ADAM8: variants seen among roughly 807,000 people sequenced by gnomAD.
ADAM8 encodes disintegrin and metalloproteinase domain-containing protein 8.
ADAM8 carries 104 observed loss-of-function variants against 102.4 expected under a neutral mutation model. The observed-to-expected ratio is 1.02, with a 90% CI of 0.87 to 1.20. The LOEUF (loss-of-function observed/expected upper bound fraction) is 1.20, where lower values mean the gene tolerates loss of function less well. Among genes scored for constraint, ADAM8 ranks in the 50% most tolerant of loss-of-function variants. ADAM8 has a pLI of 0.00. For missense variants in ADAM8, 1,132 were observed against 1,159.0 expected (o/e 0.98, Z 0.34); for synonymous variants, 517 against 485.2 (o/e 1.07, Z -0.86).
rs373464438 is a variant in ADAM8 at position 133,263,760 on chromosome 10, G to C, written c.2325C>G (p.Ile775Met). 4 of 1,563,326 alleles carry C rather than the reference G, an allele frequency of 2.6e-6. No individual in the cohort carries two copies. The highest frequency in any genetic ancestry group is 2.7e-5 in the African/African-American group (2 of 73,000). Residue 775 changes from isoleucine to methionine, a missense_variant, in exon 22 of 23, where the codon ATC becomes ATG. Physicochemically the swap from Ile to Met is conservative, Grantham distance 10. Coordinates refer to ENST00000445355, the MANE Select transcript of ADAM8 (RefSeq NM_001109.5). The stretch of plus-strand genomic sequence containing the variant: ...GCACTGGGGGTGCGAACGTTGGCTT[G>C]ATGACCTGGGAGGAAACAGACACAG... ...VYTRQAPKQV[I>M]KPTFAPPVPP...
At chr10:133,272,324 T>TTCCCCC in intron 9 of ADAM8, 50 bp from the exon 10 acceptor site, 4 of 1,430,742 alleles carry the variant, frequency 2.8e-6, no homozygotes, top group East Asian at 2.5e-5. Flanking sequence ...CCTCCCCACT[T>TTCCCCC]CCCTCCCACC....
intron 21 of ADAM8, among the ~76,000 whole-genome samples, chr10:133,265,853 C>T (rs1374267781): frequency 6.6e-6 from 1 of 152,050 alleles, no homozygotes; most frequent in African/African-American, 2.4e-5. Context: ...ACAACTATTG[C>T]AGCCAATATT....
intron 15 of ADAM8, 24 bp from the exon 16 acceptor site, chr10:133,270,534 G>A (rs1846486866): frequency 6.4e-7 from 1 of 1,572,966 alleles, no homozygotes. Context: ...GCAGGTCGTG[G>A]GCCAGCTTGC....
intron 13 of ADAM8, 27 bp from the exon 14 acceptor site, chr10:133,271,097 T>C (rs2995314): frequency 0.9 from 1,438,423 of 1,602,980 alleles, 645,925 homozygotes; most frequent in East Asian, 0.94. Flanking sequence ...CAGCTCACCA[T>C]GGGGACAGGT....
chr10:133,275,839 C>T (rs1257841027), intron 1 of ADAM8: 3 of 428,352 alleles, frequency 7.0e-6, no homozygotes, highest in Non-Finnish European at 8.2e-6. Context: ...TGGGTGCCAG[C>T]GGGTGCCAGT....
At chr10:133,272,646 T>C (rs1846579891) in intron 8 of ADAM8, 61 bp from the exon 9 acceptor site, 9 of 1,554,112 alleles carry the variant, frequency 5.8e-6, no homozygotes, top group Non-Finnish European at 7.8e-6. Context: ...GCAGGGAGGG[T>C]GGGTGGCGGA....
chr10:133,267,568 G>GC, intron 20 of ADAM8, 151 bp from the exon 21 acceptor site: 1 of 762,858 alleles, frequency 1.3e-6, no homozygotes. Flanking sequence ...GAGAGGCCCC[G>GC]CCCCATTCCT....
chr10:133,268,987 G>T, intron 18 of ADAM8, 125 bp from the exon 19 acceptor site: 2 of 1,469,682 alleles, frequency 1.4e-6, no homozygotes, highest in South Asian at 2.8e-5. Context: ...CCTCAGGGAG[G>T]ACCTGGTACC....
In ADAM8 at chr10:133,269,014, A is replaced by AG. The variant is rs1846427598; in HGVS notation, c.1949-153dup. The AG allele has an allele frequency of 3.4e-6, 5 of 1,453,360 alleles. No homozygotes were observed. In the East Asian group the frequency reaches 1.2e-4, roughly 36 times the overall value. The allele number at this position is 1,453,360 out of a possible 1,614,324, so 90.0% of individuals were successfully genotyped here. A position where few individuals can be genotyped will look rare whatever the true frequency, so the allele number is the denominator to read the frequency against. On this transcript the variant is annotated intron_variant, in intron 18 of 22. Transcript: ENST00000445355. ...CCTGGTACCTTACACTGGCACTCCC[A>AG]GCTTGCCAGTGACAGGTTGGAGAGC...
intron 1 of ADAM8, 149 bp from the exon 2 acceptor site, chr10:133,275,736 G>A (rs1006724761): frequency 1.7e-5 from 9 of 542,416 alleles, no homozygotes; most frequent in Non-Finnish European, 2.2e-5. Context: ...ACTCAAGTGA[G>A]GGTTCTGTGC....
chr10:133,267,971 TCGGGCGGGCTGG>T lies in ADAM8; in HGVS notation c.2199_2210del (p.Gln734_Arg737del), dbSNP rs750141700. On this transcript the variant is annotated inframe_deletion, in exon 20 of 23. Transcript: ENST00000445355. ...TCAGAGCCACCGAGGAGGCCGGGTG[TCGGGCGGGCTGG>T]CCCGGGTGGGTGGTGGGGACCAGCT... 7.9e-7 allele frequency: 1 copy of T among 1,261,196 alleles called. No individual in the cohort carries two copies. The highest frequency in any genetic ancestry group is 1.0e-6 in the Non-Finnish European group (1 of 996,520). The allele number at this position is 1,261,196 out of a possible 1,614,324, so 78.1% of individuals were successfully genotyped here.
At chr10:133,267,861 C>G in intron 20 of ADAM8, 68 bp downstream of exon 20, 1 of 1,238,944 alleles carries the variant, frequency 8.1e-7, no homozygotes, top group East Asian at 3.1e-5. Flanking sequence ...TCGGGCTGCA[C>G]TTGGGGTCGC....
At chr10:133,263,608 C>G in intron 22 of ADAM8, 80 bp downstream of exon 22, 1 of 1,415,898 alleles carries the variant, frequency 7.1e-7, no homozygotes, top group Non-Finnish European at 9.4e-7. Flanking sequence ...CCCTCCAGGG[C>G]AGTGCCACCG....
rs1219120271 is a variant in ADAM8, at chr10:133,272,556, G to T, written c.735C>A (p.Val245=). The T allele has an allele frequency of 1.2e-6, 2 of 1,611,564 alleles. No individual in the cohort carries two copies. Among genetic ancestry groups the T allele is most frequent in the Non-Finnish European group, 1.7e-6 (2 of 1,179,608 alleles). The change falls in exon 9 of 23, where the codon GTC becomes GTA. Residue 245 remains valine, a synonymous_variant. Transcript: ENST00000445355. ...TATTCCAAATCTCCAGGCCCACCAG[G>T]ACCACACGGAAGTTGAGTTTCTGAT... ...KLYQKLNFRV[V]LVGLEIWNSQ...
At chr10:133,276,180 A>G (rs1846744099) in intron 1 of ADAM8, among the ~76,000 whole-genome samples, 1 of 152,142 alleles carries the variant, frequency 6.6e-6, no homozygotes, top group South Asian at 2.1e-4. Flanking sequence ...CCACATCTCC[A>G]ACCTGGAGAG....
At chr10:133,266,940 GAGATCTTTCCAAAACC>G in intron 21 of ADAM8, among the ~76,000 whole-genome samples, 1 of 151,992 alleles carries the variant, frequency 6.6e-6, no homozygotes, top group South Asian at 2.1e-4. Context: ...CGGGTTTTGA[GAGATCTTTCCAAAACC>G]CCCAAAGCCC....
rs775096908 is a variant in ADAM8, at chr10:133,271,276, C to T, written c.1298G>A (p.Arg433His). Residue 433 changes from arginine (R) to histidine (H), a missense_variant, in exon 13 of 23, where the codon CGC becomes CAC. Arg to His is a conservative substitution (Grantham distance 29). Transcript: ENST00000445355. ...DCGPPEDCRN[R>H]CCNSTTCQLA... Reference sequence around the variant, plus strand: ...CTGGCAGGTGGTAGAGTTGCAGCAGCGGTTCCGGCAGTCCTGGGGCGACGG... The same window carrying T: ...CTGGCAGGTGGTAGAGTTGCAGCAGTGGTTCCGGCAGTCCTGGGGCGACGG... 5.6e-6 allele frequency: 9 copies of T among 1,610,508 alleles called. No homozygotes were observed. The highest frequency in any genetic ancestry group is 4.0e-5 in the African/African-American group (3 of 75,008).
chr10:133,274,063 C>T (rs1454966345), intron 3 of ADAM8, 34 bp from the exon 4 acceptor site: 2 of 1,595,304 alleles, frequency 1.3e-6, no homozygotes, highest in South Asian at 2.3e-5. Context: ...CCTCGGCCCC[C>T]TCGGTGCAGA....
At chr10:133,266,259 G>A (rs760826970) in intron 21 of ADAM8, among the ~76,000 whole-genome samples, 4 of 152,144 alleles carry the variant, frequency 2.6e-5, no homozygotes, top group Non-Finnish European at 5.9e-5. Flanking sequence ...TCCAGAGGGA[G>A]CAGGCGGTAC....
Sources: gnomAD v4.1 joint callset for allele counts (sites outside exome capture counted in the v4.1 genomes callset) on GRCh38, gnomAD v4.1.1 for gene constraint, MANE v1.5 for transcripts, NCBI Gene and HGNC (gene_info 2026-07-23, HGNC 2026-07-21) for gene names.